The following ANK2 variants were observed in gnomAD, a reference collection of about 807,000 sequenced individuals.
The protein encoded by ANK2 is ankyrin 2.
Under a neutral mutation model 360.5 loss-of-function variants are expected in ANK2, and 83 were observed. That is an observed-to-expected ratio of 0.23 (90% CI 0.19 to 0.28). The LOEUF is 0.28. Ranked by LOEUF, ANK2 falls within the 10% of genes least tolerant of loss-of-function variation. ANK2 has a pLI of 1.00. For missense variants in ANK2, 4,201 were observed against 4,795.7 expected, an observed-to-expected ratio of 0.88 and a Z score of 3.66; for synonymous variants, 1,740 against 1,759.5, an observed-to-expected ratio of 0.99 and a Z score of 0.28.
intron 1 of ANK2, among the ~76,000 whole-genome samples, chr4:113,098,841 T>A (rs2154358351): frequency 6.6e-6 from 1 of 152,068 alleles, no homozygotes; most frequent in East Asian, 1.9e-4. Context: ...ACAAGGCTGG[T>A]TCACCATTCA....
At chr4:113,334,885 G>A (rs1177967234) in intron 29 of ANK2, among the ~76,000 whole-genome samples, 1 of 151,378 alleles carries the variant, frequency 6.6e-6, no homozygotes. Context: ...GTGTATGTCT[G>A]GAAATTTTAA....
chr4:113,101,811 C>T (rs776681347), intron 1 of ANK2, among the ~76,000 whole-genome samples: 7 of 152,046 alleles, frequency 4.6e-5, no homozygotes, highest in Non-Finnish European at 1.0e-4. Flanking sequence ...TTAAGGGAGG[C>T]TTCTATGACC....
chr4:112,835,289 A>G (rs2060757184), intron 1 of ANK2, among the ~76,000 whole-genome samples: 1 of 152,242 alleles, frequency 6.6e-6, no homozygotes, highest in Non-Finnish European at 1.5e-5. Context: ...TTGATAAACC[A>G]AAGTATACAG....
intron 1 of ANK2, among the ~76,000 whole-genome samples, chr4:113,157,270 C>A (rs562358651): frequency 6.6e-5 from 10 of 152,108 alleles, no homozygotes; most frequent in African/African-American, 2.4e-4. Flanking sequence ...TTTCATCTAT[C>A]TTGGAAGGGG....
intron 15 of ANK2, among the ~76,000 whole-genome samples, chr4:113,275,944 T>G (rs1167355825): frequency 1.4e-5 from 2 of 146,366 alleles, no homozygotes; most frequent in Non-Finnish European, 3.0e-5. Flanking sequence ...AGTGTTTTTT[T>G]TTTTTTTTTT....
chr4:112,908,774 G>A (rs947165237), intron 2 of ANK2, among the ~76,000 whole-genome samples: 7 of 152,188 alleles, frequency 4.6e-5, no homozygotes, highest in African/African-American at 1.7e-4. Flanking sequence ...CTGGCGCATT[G>A]ATTGGCTTTC....
intron 1 of ANK2, among the ~76,000 whole-genome samples, chr4:112,900,843 A>G (rs556075987): frequency 6.6e-6 from 1 of 152,318 alleles, no homozygotes; most frequent in African/African-American, 2.4e-5. Context: ...TTGATTTATA[A>G]AAGCAACTAT....
chr4:113,325,900 A>G (rs56098215), intron 26 of ANK2, among the ~76,000 whole-genome samples: 10,228 of 152,208 alleles, frequency 0.067, 402 homozygotes, highest in African/African-American at 0.11. Context: ...GATGACAGGC[A>G]GAGCCATCAA....
At chr4:113,377,634 A>G (rs529842734) in intron 45 of ANK2, among the ~76,000 whole-genome samples, 28 of 152,332 alleles carry the variant, frequency 1.8e-4, no homozygotes, top group African/African-American at 6.3e-4. Context: ...TTGAAATTAT[A>G]TATGAATTCA....
At chr4:113,201,169 C>T (rs2098825040) in intron 4 of ANK2, among the ~76,000 whole-genome samples, 2 of 151,900 alleles carry the variant, frequency 1.3e-5, no homozygotes, top group African/African-American at 4.8e-5. Context: ...ATGGTAGTTA[C>T]GTTTTTAGTT....
chr4:113,235,813 C>G (rs1198739303), intron 5 of ANK2, among the ~76,000 whole-genome samples: 1 of 150,476 alleles, frequency 6.6e-6, no homozygotes, highest in Admixed American at 6.7e-5. Context: ...ACGATCTTGG[C>G]TCACTGCAAG....
Position 113,358,652 on chromosome 4 carries a change from A to T in ANK2, c.10034A>T (p.Lys3345Met), listed in dbSNP as rs376912244. Residue 3345 changes from lysine to methionine, a missense_variant, in exon 38 of 46, where the codon AAG becomes ATG. Lys to Met is a moderately conservative substitution (Grantham distance 95, BLOSUM62 -1). Around this residue, in one of 4 missense-constraint regions of ANK2, gnomAD observed 2,642 missense variants for 2,714.5 expected, o/e 0.97. Transcript: ENST00000357077. ...AATAAGGCGGATGAAGCAAAACCAA[A>T]GTCCAAACTCCCTGTCAAAGTACCC... ...EENKADEAKP[K>M]SKLPVKVPLQ... 1.1e-5 allele frequency: 18 copies of T among 1,613,964 alleles called. No individual in the cohort carries two copies. The highest frequency in any genetic ancestry group is 1.4e-5 in the Non-Finnish European group (17 of 1,179,968).
chr4:113,047,374 A>G (rs1480209368), upstream of ANK2, among the ~76,000 whole-genome samples: 2 of 152,212 alleles, frequency 1.3e-5, no homozygotes, highest in African/African-American at 2.4e-5. Context: ...TATGACTGCA[A>G]AAATGTTTTG....
intron 26 of ANK2, among the ~76,000 whole-genome samples, chr4:113,320,543 T>C (rs1490027802): frequency 2.6e-5 from 4 of 152,136 alleles, no homozygotes; most frequent in African/African-American, 9.7e-5. Context: ...TAATCCCAGC[T>C]ACTCAGGAGG....
chr4:113,239,824 T>C (rs1454337275), intron 7 of ANK2, among the ~76,000 whole-genome samples: 2 of 152,210 alleles, frequency 1.3e-5, no homozygotes, highest in African/African-American at 4.8e-5. Flanking sequence ...TGGAGTGAGC[T>C]GAACTTTTTT....
chr4:113,078,674 T>A (rs1198949792), intron 1 of ANK2, among the ~76,000 whole-genome samples: 1 of 152,216 alleles, frequency 6.6e-6, no homozygotes, highest in Non-Finnish European at 1.5e-5. Flanking sequence ...TCAAGTTCAC[T>A]CATTTGGGTG....
the ANK2 span, among the ~76,000 whole-genome samples, chr4:112,809,478 G>A: frequency 1.3e-5 from 2 of 149,806 alleles, no homozygotes; most frequent in East Asian, 2.1e-4. Flanking sequence ...GGAGAATGGC[G>A]TGAACCTGGG....
chr4:113,198,046 T>C (rs1481057548), intron 3 of ANK2, among the ~76,000 whole-genome samples: 2 of 152,202 alleles, frequency 1.3e-5, no homozygotes, highest in Non-Finnish European at 2.9e-5. Context: ...TGGTATGAGA[T>C]GGTGTATAGT....
chr4:113,336,909 A>T, intron 31 of ANK2, 128 bp downstream of exon 31: 1 of 897,658 alleles, frequency 1.1e-6, no homozygotes, highest in Non-Finnish European at 1.8e-6. Context: ...AATACATTTT[A>T]ATTAACTAGG....
Sources: gnomAD v4.1 joint callset for allele counts (sites outside exome capture counted in the v4.1 genomes callset) on GRCh38, gnomAD v4.1.1 for gene constraint, gnomAD v4.1.1 regional missense constraint, MANE v1.5 for transcripts, NCBI Gene and HGNC (gene_info 2026-07-23, HGNC 2026-07-21) for gene names.